Variants in CPED1 observed in about 807,000 individuals in gnomAD.
The protein encoded by CPED1 is cadherin like and PC-esterase domain containing 1, also known as cadherin-like and PC-esterase domain-containing protein 1.
CPED1 carries 114 observed loss-of-function variants against 128.2 expected under a neutral mutation model. That is an observed-to-expected ratio of 0.89 (90% confidence interval 0.76 to 1.04). The LOEUF (loss-of-function observed/expected upper bound fraction) is 1.04. Ranked by LOEUF, CPED1 falls within the 50% of genes least tolerant of loss-of-function variation. CPED1 has a pLI of 0.00. For missense variants in CPED1, 1,211 were observed against 1,207.1 expected (o/e 1.00, Z -0.05); for synonymous variants, 462 against 426.7 (o/e 1.08, Z -1.02).
At chr7:121,248,634 A>T (rs1798596425) in intron 18 of CPED1, among the ~76,000 whole-genome samples, 1 of 151,684 alleles carries the variant, frequency 6.6e-6, no homozygotes, top group Non-Finnish European at 1.5e-5. Flanking sequence ...ACAAATAAAG[A>T]TGCCGTACAG....
At chr7:121,237,290 T>C (rs1477557346) in intron 17 of CPED1, among the ~76,000 whole-genome samples, 1 of 152,144 alleles carries the variant, frequency 6.6e-6, no homozygotes. Flanking sequence ...TTTGGCACCA[T>C]AATTTGTACA....
At chr7:121,129,279 GTATATATGTATATATATATATATATA>G (rs1173230295) in intron 11 of CPED1, among the ~76,000 whole-genome samples, 2 of 88,698 alleles carry the variant, frequency 2.3e-5, no homozygotes, top group East Asian at 2.4e-4. Context: ...ATGTGTGTGT[GTATATATGTATATATATATATATATA>G]TATATACGTA....
chr7:121,055,587 TAATA>T (rs1256230103), intron 4 of CPED1, among the ~76,000 whole-genome samples: 4 of 149,936 alleles, frequency 2.7e-5, no homozygotes, highest in Admixed American at 6.6e-5. Flanking sequence ...AATATAGATA[TAATA>T]AATAATTATG....
chr7:121,073,045 G>A (rs931885054), intron 5 of CPED1, among the ~76,000 whole-genome samples: 9 of 152,064 alleles, frequency 5.9e-5, no homozygotes, highest in Admixed American at 2.0e-4. Context: ...CTGACACCTC[G>A]TGCACTTGAA....
chr7:121,235,936 G>T (rs1023284920), intron 16 of CPED1, among the ~76,000 whole-genome samples: 1 of 152,044 alleles, frequency 6.6e-6, no homozygotes, highest in Admixed American at 6.6e-5. Flanking sequence ...CTTTTAACAC[G>T]CCCTAAATTG....
Position 121,056,287 on chromosome 7 carries a change from A to C in CPED1, c.541-7951A>C, listed in dbSNP as rs114423322. Among the ~76,000 whole-genome samples the C allele has an allele frequency of 6.6e-3, 1,011 of 152,288 alleles. 11 individuals are homozygous for C. The highest frequency in any genetic ancestry group is 0.023 in the African/African-American group (960 of 41,580). On this transcript the variant is annotated intron_variant, in intron 4 of 22. Transcript: ENST00000310396. ...AAATATTCTATCATACATGTATGTT[A>C]GTTCTACCATCAGGAAAAATACTGT...
At chr7:121,085,567 G>A (rs1244899696) in intron 5 of CPED1, among the ~76,000 whole-genome samples, 2 of 152,106 alleles carry the variant, frequency 1.3e-5, no homozygotes, top group East Asian at 3.9e-4. Flanking sequence ...ACAAAAAAGT[G>A]CCTTTCTTTT....
At chr7:121,120,885 G>C (rs1795365902) in intron 7 of CPED1, among the ~76,000 whole-genome samples, 1 of 139,752 alleles carries the variant, frequency 7.2e-6, no homozygotes, top group South Asian at 2.4e-4. Context: ...TCATAGGTTT[G>C]TTTATTCAAC....
At chr7:121,015,413 C>A (rs1285376483) in intron 2 of CPED1, among the ~76,000 whole-genome samples, 3 of 152,168 alleles carry the variant, frequency 2.0e-5, no homozygotes, top group Non-Finnish European at 4.4e-5. Context: ...CATCAGTATT[C>A]CTCCAAGGAC....
chr7:121,081,590 G>C (rs893842006), intron 5 of CPED1, among the ~76,000 whole-genome samples: 1 of 152,118 alleles, frequency 6.6e-6, no homozygotes, highest in South Asian at 2.1e-4. Flanking sequence ...GAGCAGCTGT[G>C]CAATCCCAGT....
intron 17 of CPED1, among the ~76,000 whole-genome samples, chr7:121,240,176 T>C (rs942715086): frequency 1.3e-5 from 2 of 152,332 alleles, no homozygotes; most frequent in Non-Finnish European, 2.9e-5. Flanking sequence ...TTTATGTGCA[T>C]GCGATTTCAT....
intron 5 of CPED1, among the ~76,000 whole-genome samples, chr7:121,080,116 G>C (rs140673184): frequency 3.7e-4 from 56 of 152,214 alleles, no homozygotes; most frequent in African/African-American, 1.3e-3. Flanking sequence ...ATTGATATTG[G>C]ATTTCTTTGC....
intron 7 of CPED1, among the ~76,000 whole-genome samples, chr7:121,114,348 C>A (rs1795184004): frequency 6.6e-6 from 1 of 152,170 alleles, no homozygotes; most frequent in Non-Finnish European, 1.5e-5. Flanking sequence ...GACTGCTGAA[C>A]CCAAGAGCTC....
intron 2 of CPED1, among the ~76,000 whole-genome samples, chr7:121,000,946 G>C (rs1791839124): frequency 6.6e-6 from 1 of 152,094 alleles, no homozygotes; most frequent in African/African-American, 2.4e-5. Flanking sequence ...CATCAAGCAT[G>C]GTTGTTGGCC....
At chr7:121,278,290 GAGGAGC>G (rs1792368701) in intron 22 of CPED1, among the ~76,000 whole-genome samples, 2 of 152,158 alleles carry the variant, frequency 1.3e-5, no homozygotes, top group African/African-American at 2.4e-5. Context: ...AAAGGCCCCT[GAGGAGC>G]AGGTTGAGGA....
At chr7:121,175,308 TG>T (rs1796749082) in intron 16 of CPED1, among the ~76,000 whole-genome samples, 1 of 152,154 alleles carries the variant, frequency 6.6e-6, no homozygotes, top group African/African-American at 2.4e-5. Context: ...TCAAGGGGAA[TG>T]CTTCCAGCTT....
At chr7:121,170,250 C>T (rs1320248518) in intron 16 of CPED1, among the ~76,000 whole-genome samples, 1 of 152,176 alleles carries the variant, frequency 6.6e-6, no homozygotes, top group African/African-American at 2.4e-5. Context: ...TCAGACACAT[C>T]ATCAGGACAT....
At chr7:121,044,279 T>C (rs1489234753) in intron 3 of CPED1, among the ~76,000 whole-genome samples, 1 of 152,164 alleles carries the variant, frequency 6.6e-6, no homozygotes, top group East Asian at 1.9e-4. Flanking sequence ...AAAGGTCTAC[T>C]AAATGTTTAA....
In CPED1 at chr7:121,256,861, A is replaced by G. The variant is rs201355652; in HGVS notation, c.2311-9366A>G. ...ACTGGATAAAGAAAATGTGGTACAT[A>G]TATACATTCCATGGAATACTACACA... On this transcript the variant is annotated intron_variant, in intron 18 of 22. Coordinates refer to ENST00000310396, the MANE Select transcript of CPED1 (RefSeq NM_024913.5). 1.2e-4 allele frequency among the ~76,000 whole-genome samples: 18 copies of G among 152,222 alleles called. No homozygotes were observed. The East Asian group carries it at 3.5e-3, about 29-fold the overall frequency.
Sources: gnomAD v4.1 joint callset for allele counts (sites outside exome capture counted in the v4.1 genomes callset) on GRCh38, gnomAD v4.1.1 for gene constraint, MANE v1.5 for transcripts, NCBI Gene and HGNC (gene_info 2026-07-23, HGNC 2026-07-21) for gene names.